Variants in VRK2 observed in about 807,000 individuals in gnomAD.
VRK2 encodes the protein serine/threonine-protein kinase VRK2.
A neutral mutation model predicts 57.6 loss-of-function variants in VRK2; 60 were observed. That is an observed-to-expected ratio of 1.04 (90% CI 0.85 to 1.29). The LOEUF (loss-of-function observed/expected upper bound fraction) is 1.29. Ranked by LOEUF, VRK2 falls within the 50% of genes most tolerant of loss-of-function variation. VRK2 has a pLI of 0.00. For missense variants in VRK2, 705 were observed against 588.1 expected (o/e 1.20, Z -2.06); for synonymous variants, 231 against 199.2 (o/e 1.16, Z -1.35).
At chr2:58,133,269 A>C (rs550259841) in intron 9 of VRK2, among the ~76,000 whole-genome samples, 1 of 152,156 alleles carries the variant, frequency 6.6e-6, no homozygotes, top group Non-Finnish European at 1.5e-5. Context: ...TTTTACATGT[A>C]TAATGCTAAT....
chr2:57,956,786 T>C (rs1019540914), intron 1 of VRK2, among the ~76,000 whole-genome samples: 3 of 152,184 alleles, frequency 2.0e-5, no homozygotes, highest in Non-Finnish European at 1.5e-5. Flanking sequence ...GAAATGAAGC[T>C]TTCAGAAGAG....
At chr2:58,148,926 T>C (rs1682569586) in intron 12 of VRK2, among the ~76,000 whole-genome samples, 1 of 151,854 alleles carries the variant, frequency 6.6e-6, no homozygotes, top group Admixed American at 6.6e-5. Context: ...GAAATTAGAA[T>C]AGTTCTTTAA....
chr2:57,945,373 A>T (rs1382246988), intron 1 of VRK2, among the ~76,000 whole-genome samples: 1 of 152,116 alleles, frequency 6.6e-6, no homozygotes. Context: ...ACTCTTGCCT[A>T]GATCGAGTCT....
chr2:57,925,328 G>C (rs1670495801), intron 1 of VRK2, among the ~76,000 whole-genome samples: 1 of 151,938 alleles, frequency 6.6e-6, no homozygotes, highest in Admixed American at 6.6e-5. Flanking sequence ...TGCTGCCATT[G>C]GGTTGTAGGC....
chr2:58,147,113 T>C (rs748885563), intron 12 of VRK2: 2 of 516,818 alleles, frequency 3.9e-6, no homozygotes, highest in Non-Finnish European at 7.7e-6. Flanking sequence ...AACAGGATAA[T>C]TTAATACCCC....
At chr2:58,067,856 T>G (rs994275147) in intron 2 of VRK2, among the ~76,000 whole-genome samples, 5 of 152,128 alleles carry the variant, frequency 3.3e-5, no homozygotes, top group African/African-American at 1.2e-4. Context: ...TATTCCAAAT[T>G]TCCTTGTGTA....
At chr2:58,048,531 G>A (rs986512) in intron 1 of VRK2, 876,988 of 1,345,168 alleles carry the variant, frequency 0.65, 288,883 homozygotes, top group African/African-American at 0.87. Flanking sequence ...CTTAAGGTGT[G>A]TCCTGCACTG....
At chr2:58,041,815 AC>A (rs1253422647), upstream of VRK2, among the ~76,000 whole-genome samples, 1 of 151,962 alleles carries the variant, frequency 6.6e-6, no homozygotes, top group Non-Finnish European at 1.5e-5. Flanking sequence ...GGTCTCCACA[AC>A]CCCTTATCTT....
At chr2:58,070,748 T>C (rs1358263124) in intron 2 of VRK2, among the ~76,000 whole-genome samples, 2 of 152,154 alleles carry the variant, frequency 1.3e-5, no homozygotes, top group Non-Finnish European at 2.9e-5. Context: ...TTTTTGTCAG[T>C]TGTGAGTAAA....
chr2:57,994,670 T>C (rs1672871712), intron 1 of VRK2, among the ~76,000 whole-genome samples: 1 of 152,120 alleles, frequency 6.6e-6, no homozygotes, highest in Non-Finnish European at 1.5e-5. Flanking sequence ...CTTGGACTCA[T>C]AAAAATTATT....
chr2:58,127,052 T>C (rs746745271), intron 8 of VRK2, among the ~76,000 whole-genome samples: 7 of 152,120 alleles, frequency 4.6e-5, no homozygotes, highest in Non-Finnish European at 1.0e-4. Context: ...TTTGACATCT[T>C]TGATGACCAT....
intron 9 of VRK2, among the ~76,000 whole-genome samples, chr2:58,133,087 TAAA>T (rs998757722): frequency 6.6e-6 from 1 of 152,156 alleles, no homozygotes; most frequent in Non-Finnish European, 1.5e-5. Context: ...GATGCTATTT[TAAA>T]AAACTAACAT....
At chr2:58,098,492 T>C (rs1292980680) in intron 7 of VRK2, among the ~76,000 whole-genome samples, 2 of 152,078 alleles carry the variant, frequency 1.3e-5, no homozygotes, top group East Asian at 3.9e-4. Context: ...CATTTTCAAA[T>C]CTTTTATATG....
At chr2:57,919,524 T>C (rs1302078893) in intron 1 of VRK2, among the ~76,000 whole-genome samples, 1 of 152,108 alleles carries the variant, frequency 6.6e-6, no homozygotes, top group Non-Finnish European at 1.5e-5. Context: ...CAGCTCAATA[T>C]GTACATTCTA....
intron 4 of VRK2, among the ~76,000 whole-genome samples, chr2:58,085,310 G>C (rs974707465): frequency 1.3e-5 from 2 of 151,910 alleles, no homozygotes; most frequent in African/African-American, 4.8e-5. Context: ...ACATTAAAAT[G>C]GGAAGTAGAT....
chr2:57,964,442 A>T (rs1313649668), intron 1 of VRK2, among the ~76,000 whole-genome samples: 1 of 152,008 alleles, frequency 6.6e-6, no homozygotes, highest in African/African-American at 2.4e-5. Context: ...AGAGTGGTGG[A>T]GGTGGAAGGG....
chr2:58,106,060 C>T (rs1674703161), intron 7 of VRK2, among the ~76,000 whole-genome samples: 2 of 151,844 alleles, frequency 1.3e-5, no homozygotes, highest in Admixed American at 6.6e-5. Flanking sequence ...AGAGGAAGAC[C>T]ATTAAGCCAA....
At chr2:57,930,486 C>T (rs1670685388) in intron 1 of VRK2, among the ~76,000 whole-genome samples, 1 of 152,140 alleles carries the variant, frequency 6.6e-6, no homozygotes, top group African/African-American at 2.4e-5. Context: ...TTTCTATCTC[C>T]TTTAGTGCTT....
chr2:57,947,873 T>TCC lies in VRK2; in HGVS notation c.-439+40035_-439+40036insCC, dbSNP rs578002602. Among the ~76,000 whole-genome samples, 53 of 152,300 alleles carry TCC rather than the reference T, an allele frequency of 3.5e-4. 1 individual carries two copies. In the South Asian group the frequency reaches 0.01, roughly 30 times the overall value. ...TAACATTCCTATACACTTTTCCTTTTCTCTCTCTTTCTCTTCAGCGATTTC... is the reference window on the plus strand; with the variant it reads ...TAACATTCCTATACACTTTTCCTTTTCCCTCTCTCTTTCTCTTCAGCGATTTC... On this transcript the variant is annotated intron_variant, in intron 1 of 15. Transcript: ENST00000417641.
Sources: allele counts gnomAD v4.1 joint callset (sites outside exome capture counted in the v4.1 genomes callset), GRCh38; gene constraint gnomAD v4.1.1; transcripts MANE v1.5; gene names NCBI Gene and HGNC (gene_info 2026-07-23, HGNC 2026-07-21).